INTS9: variants seen among roughly 807,000 people sequenced by gnomAD.
INTS9 encodes the protein integrator complex subunit 9, also known as protein related to CPSF subunits of 74 kDa.
In INTS9, 55 loss-of-function variants were observed where a neutral mutation model predicts 79.7. The observed-to-expected ratio is 0.69, with a 90% CI of 0.56 to 0.86. The LOEUF is 0.86. Ranked by LOEUF, INTS9 falls within the 40% of genes least tolerant of loss-of-function variation. The pLI, the probability that INTS9 is intolerant of heterozygous loss-of-function variation, is 0.00. For synonymous variants in INTS9, 319 were observed against 325.2 expected, an observed-to-expected ratio of 0.98 and a Z score of 0.20; for missense variants, 721 against 831.5, an observed-to-expected ratio of 0.87 and a Z score of 1.64.
intron 1 of INTS9, among the ~76,000 whole-genome samples, chr8:28,884,066 C>T (rs1810039608): frequency 6.8e-6 from 1 of 147,950 alleles, no homozygotes; most frequent in Non-Finnish European, 1.5e-5. Flanking sequence ...TGCTGTAATA[C>T]TTCTATTAGT....
chr8:28,802,547 A>G (rs1804580380), intron 8 of INTS9, among the ~76,000 whole-genome samples: 1 of 152,206 alleles, frequency 6.6e-6, no homozygotes, highest in Admixed American at 6.5e-5. Flanking sequence ...TTGGTTTTCC[A>G]AATTCATTCC....
At chr8:28,871,155 A>G (rs1206739064) in intron 1 of INTS9, among the ~76,000 whole-genome samples, 3 of 152,162 alleles carry the variant, frequency 2.0e-5, no homozygotes, top group Non-Finnish European at 4.4e-5. Context: ...CAAAGGAAAG[A>G]GCTTCCGTTT....
At chr8:28,771,811 G>A (rs930417805) in intron 14 of INTS9, among the ~76,000 whole-genome samples, 3 of 152,174 alleles carry the variant, frequency 2.0e-5, no homozygotes, top group African/African-American at 4.8e-5. Flanking sequence ...TGGGGATGGC[G>A]TTCTGCGCTC....
intron 1 of INTS9, among the ~76,000 whole-genome samples, chr8:28,875,796 T>C (rs931606347): frequency 6.6e-6 from 1 of 152,214 alleles, no homozygotes; most frequent in Admixed American, 6.5e-5. Flanking sequence ...GAGTTACTGA[T>C]AGGTAGGATC....
chr8:28,844,398 GGTGTGGTT>G (rs1807374200), intron 4 of INTS9, among the ~76,000 whole-genome samples: 1 of 152,116 alleles, frequency 6.6e-6, no homozygotes. Context: ...AAATTAGCAG[GGTGTGGTT>G]GTGTGCACCT....
chr8:28,874,337 T>C (rs1809258981), intron 1 of INTS9, among the ~76,000 whole-genome samples: 1 of 151,820 alleles, frequency 6.6e-6, no homozygotes, highest in South Asian at 2.1e-4. Flanking sequence ...TCACCCAAGC[T>C]GGAGTGCAGT....
chr8:28,814,191 T>C lies in INTS9; in HGVS notation c.489-579A>G, dbSNP rs74512875. Among the ~76,000 whole-genome samples, 1,504 of 151,804 alleles carry C rather than the reference T, an allele frequency of 9.9e-3. 10 individuals are homozygous for C. Among genetic ancestry groups the C allele is most frequent in the Admixed American group, 0.015 (223 of 15,202 alleles). ...ACCTGAAGAGTAACTTCCCTGACATTCACTGTACAATACAGGTCCAAGTAC... is the reference window on the plus strand; with the variant it reads ...ACCTGAAGAGTAACTTCCCTGACATCCACTGTACAATACAGGTCCAAGTAC... On this transcript the variant is annotated intron_variant, in intron 6 of 16. Coordinates refer to ENST00000521022, the MANE Select transcript of INTS9 (RefSeq NM_018250.4).
At chr8:28,848,589 GGGAGAAGACTCCCCA>G (rs1414603187) in intron 3 of INTS9, among the ~76,000 whole-genome samples, 9 of 152,128 alleles carry the variant, frequency 5.9e-5, no homozygotes, top group Non-Finnish European at 1.3e-4. Flanking sequence ...TATGTTTAAT[GGGAGAAGACTCCCCA>G]CTCCCTTAGG....
chr8:28,860,178 C>A (rs1324200168), intron 1 of INTS9, among the ~76,000 whole-genome samples: 3 of 152,182 alleles, frequency 2.0e-5, no homozygotes, highest in Non-Finnish European at 4.4e-5. Flanking sequence ...CCTATGGCAG[C>A]AGAGCTCAGA....
intron 2 of INTS9, among the ~76,000 whole-genome samples, chr8:28,855,265 G>A (rs769022489): frequency 1.4e-4 from 21 of 152,230 alleles, no homozygotes; most frequent in Non-Finnish European, 2.9e-4. Flanking sequence ...AAGAACAAGA[G>A]GCAGAGTATA....
chr8:28,789,082 T>C (rs1803779114), intron 10 of INTS9, among the ~76,000 whole-genome samples: 1 of 152,210 alleles, frequency 6.6e-6, no homozygotes, highest in African/African-American at 2.4e-5. Context: ...TTGGAAGATA[T>C]AAATATGGAA....
intron 1 of INTS9, among the ~76,000 whole-genome samples, chr8:28,887,258 G>T (rs1346596584): frequency 2.0e-5 from 3 of 152,194 alleles, no homozygotes; most frequent in Admixed American, 2.0e-4. Context: ...AAGGGCAAAG[G>T]AAGATACTGA....
intron 11 of INTS9, among the ~76,000 whole-genome samples, chr8:28,784,929 T>C (rs575735887): frequency 2.5e-4 from 38 of 152,340 alleles, no homozygotes; most frequent in African/African-American, 8.7e-4. Flanking sequence ...CCCATGGCCA[T>C]GGAGTACATC....
intron 12 of INTS9, 127 bp downstream of exon 12, chr8:28,780,696 T>A (rs550237595): frequency 5.8e-4 from 863 of 1,482,528 alleles, no homozygotes; most frequent in Middle Eastern, 7.6e-4. Flanking sequence ...CTTTGGTACC[T>A]ACAGTAGAAC....
intron 4 of INTS9, among the ~76,000 whole-genome samples, chr8:28,843,907 C>T (rs1427544971): frequency 6.6e-6 from 1 of 152,146 alleles, no homozygotes; most frequent in Non-Finnish European, 1.5e-5. Flanking sequence ...TCAAGCACCA[C>T]TAGTGGCACT....
intron 1 of INTS9, among the ~76,000 whole-genome samples, chr8:28,877,423 A>C (rs1352634967): frequency 6.6e-6 from 1 of 152,208 alleles, no homozygotes; most frequent in East Asian, 1.9e-4. Flanking sequence ...TTTGATCATT[A>C]CATTGTAGTG....
At chr8:28,850,872 T>A (rs1807791987) in intron 2 of INTS9, among the ~76,000 whole-genome samples, 1 of 152,226 alleles carries the variant, frequency 6.6e-6, no homozygotes, top group Non-Finnish European at 1.5e-5. Flanking sequence ...TGACACCATG[T>A]CTAAAGTGAA....
intron 1 of INTS9, among the ~76,000 whole-genome samples, chr8:28,874,076 T>C (rs1216706522): frequency 6.6e-6 from 1 of 152,172 alleles, no homozygotes. Context: ...GGAATTTGCT[T>C]TGATGCATTT....
rs539310468 is a variant in INTS9, at chr8:28,791,387, T to C, written c.1037+2420A>G. Among the ~76,000 whole-genome samples the C allele has an allele frequency of 4.6e-5, 7 of 152,166 alleles. No homozygotes were observed. In the South Asian group the frequency reaches 1.5e-3, roughly 32 times the overall value. ...TACTGTAACAATAAAGAACTATGGA[T>C]AGTTCTCTGAACAAACCAAACCATT... On this transcript the variant is annotated intron_variant, in intron 10 of 16. Coordinates refer to ENST00000521022, the MANE Select transcript of INTS9 (RefSeq NM_018250.4).
Sources: gnomAD v4.1 joint callset for allele counts (sites outside exome capture counted in the v4.1 genomes callset) on GRCh38, gnomAD v4.1.1 for gene constraint, MANE v1.5 for transcripts, NCBI Gene and HGNC (gene_info 2026-07-23, HGNC 2026-07-21) for gene names.